The following RAD51B variants were observed in gnomAD, a reference collection of about 807,000 sequenced individuals.
RAD51B encodes the protein DNA repair protein RAD51 homolog 2.
RAD51B carries 38 observed loss-of-function variants against 42.2 expected under a neutral mutation model. The ratio of observed to expected loss-of-function variants is 0.90; its 90% CI spans 0.70 to 1.18. The LOEUF (loss-of-function observed/expected upper bound fraction) is 1.18, where lower values mean the gene tolerates loss of function less well. Ranked by LOEUF, RAD51B falls within the 50% of genes most tolerant of loss-of-function variation. The pLI is 0.00. For missense variants in RAD51B, 373 were observed against 400.7 expected, an observed-to-expected ratio of 0.93 and a Z score of 0.59; for synonymous variants, 154 against 145.2, an observed-to-expected ratio of 1.06 and a Z score of -0.43.
Position 68,380,759 on chromosome 14 carries a change from C to T in RAD51B, c.854-30665C>T, listed in dbSNP as rs28418632. Reference sequence around the variant, plus strand: ...TCTTTTGTTGCAATCTTAGGGTTCTCACTATTTTAACATTAGCTTAGAACA... The same window carrying T: ...TCTTTTGTTGCAATCTTAGGGTTCTTACTATTTTAACATTAGCTTAGAACA... On this transcript the variant is annotated intron_variant, in intron 8 of 10. Coordinates refer to ENST00000471583, the MANE Select transcript of RAD51B (RefSeq NM_133510.4). Among the ~76,000 whole-genome samples, 1,065 of 152,322 alleles carry T rather than the reference C, an allele frequency of 7.0e-3. 12 individuals carry two copies. The highest frequency in any genetic ancestry group is 0.024 in the Middle Eastern group (7 of 292).
intron 7 of RAD51B, among the ~76,000 whole-genome samples, chr14:67,934,535 T>C (rs2140165361): frequency 6.6e-6 from 1 of 152,324 alleles, no homozygotes; most frequent in Middle Eastern, 3.4e-3. Context: ...GAGATGCTGT[T>C]TCTACCCTCA....
intron 7 of RAD51B, among the ~76,000 whole-genome samples, chr14:68,277,321 G>T (rs1424937590): frequency 6.6e-6 from 1 of 152,188 alleles, no homozygotes; most frequent in Non-Finnish European, 1.5e-5. Context: ...AGTTCCACGG[G>T]ACATAACAAT....
chr14:68,479,831 G>A (rs911203344), downstream of RAD51B, among the ~76,000 whole-genome samples: 1 of 151,552 alleles, frequency 6.6e-6, no homozygotes, highest in African/African-American at 2.4e-5. Flanking sequence ...ACCACACCTG[G>A]CTAATTTTTT....
chr14:68,043,240 C>T (rs532610155), intron 7 of RAD51B, among the ~76,000 whole-genome samples: 99 of 152,290 alleles, frequency 6.5e-4, no homozygotes, highest in South Asian at 5.6e-3. Flanking sequence ...AAGACATTCT[C>T]AAAGAGGGGT....
chr14:68,136,903 AT>A lies in RAD51B; in HGVS notation c.757-154980del, dbSNP rs2078022567. On this transcript the variant is annotated intron_variant, in intron 7 of 10. Coordinates refer to ENST00000471583, the MANE Select transcript of RAD51B (RefSeq NM_133510.4). ...ATTGTAGTTAATCAGGTATTTTTCC[AT>A]ATAACACAATAAAAGCATTGAACTG... 2.9e-5 allele frequency among the ~76,000 whole-genome samples: 2 copies of A among 68,306 alleles called. 1 individual carries two copies. The highest frequency in any genetic ancestry group is 8.9e-5 in the Non-Finnish European group (2 of 22,354). 44.8% of individuals were successfully genotyped at this position (68,306 alleles called of 152,430 possible).
intron 7 of RAD51B, among the ~76,000 whole-genome samples, chr14:68,059,092 C>A (rs1285545369): frequency 6.6e-6 from 1 of 152,138 alleles, no homozygotes; most frequent in Admixed American, 6.5e-5. Context: ...AGCTTAAGCC[C>A]CCAAATCAGT....
chr14:68,249,754 G>T (rs1348333680), intron 7 of RAD51B, among the ~76,000 whole-genome samples: 1 of 152,248 alleles, frequency 6.6e-6, no homozygotes, highest in Non-Finnish European at 1.5e-5. Flanking sequence ...TTGTTGAAAT[G>T]ACCAAGTGAG....
chr14:68,573,959 G>T (rs1257096449), intron 10 of RAD51B, among the ~76,000 whole-genome samples: 1 of 139,582 alleles, frequency 7.2e-6, no homozygotes, highest in African/African-American at 2.7e-5. Context: ...TGGGGGTGTG[G>T]GTGTGGGTGT....
At chr14:67,926,571 T>TG (rs1010073325) in intron 7 of RAD51B, among the ~76,000 whole-genome samples, 2 of 142,644 alleles carry the variant, frequency 1.4e-5, no homozygotes, top group Non-Finnish European at 3.1e-5. Flanking sequence ...TTTTTTTTTT[T>TG]TTTTTTTTTT....
At chr14:68,330,453 G>A (rs1052486574) in intron 8 of RAD51B, among the ~76,000 whole-genome samples, 2 of 152,088 alleles carry the variant, frequency 1.3e-5, no homozygotes, top group African/African-American at 4.8e-5. Flanking sequence ...CTTGTACTGG[G>A]TGTGACATTG....
intron 10 of RAD51B, 128 bp downstream of exon 10, chr14:68,468,378 C>A: frequency 1.0e-6 from 1 of 996,632 alleles, no homozygotes; most frequent in Non-Finnish European, 1.6e-6. Flanking sequence ...ATGCATTGGC[C>A]AGTGATATTT....
intron 8 of RAD51B, among the ~76,000 whole-genome samples, chr14:68,359,051 G>A (rs191439123): frequency 4.1e-4 from 62 of 152,120 alleles, no homozygotes; most frequent in Non-Finnish European, 7.1e-4. Context: ...TGCCACAGTG[G>A]AGCACACCCC....
At chr14:68,006,199 C>G (rs79963292) in intron 7 of RAD51B, among the ~76,000 whole-genome samples, 212 of 152,200 alleles carry the variant, frequency 1.4e-3, no homozygotes, top group Non-Finnish European at 2.3e-3. Context: ...AAGTTTTTGT[C>G]CATTTGAGTT....
At chr14:68,252,174 G>A (rs2080647938) in intron 7 of RAD51B, among the ~76,000 whole-genome samples, 1 of 152,140 alleles carries the variant, frequency 6.6e-6, no homozygotes, top group Admixed American at 6.5e-5. Flanking sequence ...TTTGAAACAA[G>A]GTGGTGAAGT....
intron 10 of RAD51B, among the ~76,000 whole-genome samples, chr14:68,547,146 C>T (rs537074705): frequency 8.5e-5 from 13 of 152,332 alleles, no homozygotes; most frequent in Non-Finnish European, 1.5e-4. Context: ...GCCCACACTT[C>T]GGGATCTGAG....
At chr14:67,826,953 G>T (rs1206852458) in intron 3 of RAD51B, among the ~76,000 whole-genome samples, 1 of 152,088 alleles carries the variant, frequency 6.6e-6, no homozygotes, top group Admixed American at 6.5e-5. Flanking sequence ...CAAGTGCTGG[G>T]ATTACATCAG....
At chr14:68,039,139 T>C (rs1313687814) in intron 7 of RAD51B, among the ~76,000 whole-genome samples, 1 of 151,962 alleles carries the variant, frequency 6.6e-6, no homozygotes, top group Non-Finnish European at 1.5e-5. Context: ...TTAAAAAGTG[T>C]GTTATATCTG....
chr14:68,339,788 T>C (rs1455209839), intron 8 of RAD51B, among the ~76,000 whole-genome samples: 4 of 152,178 alleles, frequency 2.6e-5, no homozygotes, highest in Middle Eastern at 3.2e-3. Flanking sequence ...AATTAGAGAA[T>C]TGGGAAATCT....
In RAD51B at chr14:68,446,367, C is replaced by T. The variant is rs966953910; in HGVS notation, c.958-21805C>T. Among the ~76,000 whole-genome samples the T allele has an allele frequency of 3.9e-4, 60 of 152,160 alleles. 1 individual carries two copies. The highest frequency in any genetic ancestry group is 3.7e-4 in the Non-Finnish European group (25 of 68,030). On this transcript the variant is annotated intron_variant, in intron 9 of 10. Coordinates refer to ENST00000471583, the MANE Select transcript of RAD51B (RefSeq NM_133510.4). ...ATGTGATAGACATCTGGTATTTCTG[C>T]TTGCCCTTGATCTCTTACCCCTTCT...
Sources: gnomAD v4.1 joint callset for allele counts (sites outside exome capture counted in the v4.1 genomes callset) on GRCh38, gnomAD v4.1.1 for gene constraint, MANE v1.5 for transcripts, NCBI Gene and HGNC (gene_info 2026-07-23, HGNC 2026-07-21) for gene names.